The following ACCSL variants were observed in gnomAD, a reference collection of about 807,000 sequenced individuals.
The protein encoded by ACCSL is 1-aminocyclopropane-1-carboxylate synthase homolog (inactive) like.
ACCSL carries 55 observed loss-of-function variants against 61.7 expected under a neutral mutation model. That is an observed-to-expected ratio of 0.89 (90% CI 0.72 to 1.12). The LOEUF (loss-of-function observed/expected upper bound fraction) is 1.12. Among genes scored for constraint, ACCSL ranks in the 50% most tolerant of loss-of-function variants. ACCSL has a pLI of 0.00. For missense variants in ACCSL, 632 were observed against 698.0 expected (o/e 0.91, Z 1.07); for synonymous variants, 258 against 264.3 (o/e 0.98, Z 0.23).
At chr11:44,001,539 C>T in the ACCSL span, among the ~76,000 whole-genome samples, 1 of 152,004 alleles carries the variant, frequency 6.6e-6, no homozygotes, top group South Asian at 2.1e-4. Flanking sequence ...CAGGTGCCTC[C>T]TCTGCAGCTG....
chr11:44,052,757 G>A lies in ACCSL; in HGVS notation c.868G>A (p.Glu290Lys). The A allele has an allele frequency of 6.2e-7, 1 of 1,614,036 alleles. No individual in the cohort carries two copies. Among genetic ancestry groups the A allele is most frequent in the Non-Finnish European group, 8.5e-7 (1 of 1,179,940 alleles). Reference protein sequence around the residue: ...VELIPVHLESEVTVTNTHPFQ... With the variant: ...VELIPVHLESKVTVTNTHPFQ... ...GTTGATTCCTGTCCACCTGGAGAGTGAGGTCTGAATGGGGCCCCTTCCCTG... is the reference window on the plus strand; with the variant it reads ...GTTGATTCCTGTCCACCTGGAGAGTAAGGTCTGAATGGGGCCCCTTCCCTG... The change falls in exon 6 of 14, where the codon GAG becomes AAG. Residue 290 changes from glutamate to lysine, a missense_variant and splice_region_variant. Coordinates refer to ENST00000378832, the MANE Select transcript of ACCSL (RefSeq NM_001031854.2).
At chr11:44,037,812 T>C in the ACCSL span, among the ~76,000 whole-genome samples, 8 of 152,200 alleles carry the variant, frequency 5.3e-5, no homozygotes, top group African/African-American at 1.9e-4. Flanking sequence ...GTGAATAGTG[T>C]ACAGACCAGA....
chr11:43,963,798 T>G, the ACCSL span, among the ~76,000 whole-genome samples: 4 of 152,258 alleles, frequency 2.6e-5, no homozygotes, highest in African/African-American at 9.6e-5. Flanking sequence ...ATGTGACAAC[T>G]AGGTTATCTG....
At chr11:44,050,937 G>A (rs961476552) in intron 3 of ACCSL, among the ~76,000 whole-genome samples, 1 of 151,420 alleles carries the variant, frequency 6.6e-6, no homozygotes, top group Non-Finnish European at 1.5e-5. Context: ...TGCCCCCTGG[G>A]TTCAGGCCAT....
the ACCSL span, among the ~76,000 whole-genome samples, chr11:44,021,501 G>A: frequency 4.6e-5 from 7 of 152,050 alleles, no homozygotes; most frequent in African/African-American, 1.7e-4. Flanking sequence ...TGAGTTCCTT[G>A]TAGCTTCTGT....
At chr11:43,943,056 C>T in the ACCSL span, 9 of 1,499,936 alleles carry the variant, frequency 6.0e-6, no homozygotes, top group Admixed American at 1.6e-4. This position sits in a 1 kb window ranked among gnomAD's most constrained non-coding sequence, Gnocchi z 4.8. Context: ...CCGCGCCAGT[C>T]TCGCTTCAAG....
At chr11:43,938,256 A>T in the ACCSL span, among the ~76,000 whole-genome samples, 16 of 152,138 alleles carry the variant, frequency 1.1e-4, no homozygotes, top group African/African-American at 3.9e-4. Context: ...TTGCCCTTCA[A>T]CATTGCTTGC....
At chr11:43,933,128 T>G in the ACCSL span, 1 of 456,164 alleles carries the variant, frequency 2.2e-6, no homozygotes, top group Non-Finnish European at 4.4e-6. Flanking sequence ...AGACTTATAC[T>G]TTAACCTTGG....
chr11:43,952,120 G>A, the ACCSL span, among the ~76,000 whole-genome samples: 4 of 150,472 alleles, frequency 2.7e-5, no homozygotes, highest in Admixed American at 6.6e-5. Flanking sequence ...GGTTTCTTAC[G>A]TGGGTAAATT....
At chr11:43,965,333 A>T in the ACCSL span, among the ~76,000 whole-genome samples, 20 of 152,372 alleles carry the variant, frequency 1.3e-4, no homozygotes, top group South Asian at 3.7e-3. Context: ...GAAATTAAGC[A>T]AACAATTCCA....
the ACCSL span, among the ~76,000 whole-genome samples, chr11:43,993,076 C>CAG: frequency 0.28 from 42,901 of 152,050 alleles, 6,618 homozygotes; most frequent in South Asian, 0.36. Context: ...AGCGGAATCA[C>CAG]AGTCTTCCAG....
At chr11:44,052,787 G>A in intron 6 of ACCSL, 28 bp downstream of exon 6, 1 of 1,593,028 alleles carries the variant, frequency 6.3e-7, no homozygotes, top group Non-Finnish European at 8.6e-7. Flanking sequence ...TCCCTGCTCA[G>A]TATGCCTAGA....
At chr11:43,960,889 G>T in the ACCSL span, among the ~76,000 whole-genome samples, 9,945 of 152,218 alleles carry the variant, frequency 0.065, 347 homozygotes, top group South Asian at 0.1. Context: ...CACGATCTTG[G>T]CTCACTGCAA....
the ACCSL span, among the ~76,000 whole-genome samples, chr11:43,951,205 T>C: frequency 6.6e-6 from 1 of 152,164 alleles, no homozygotes; most frequent in Admixed American, 6.5e-5. Context: ...TAGAAAGTCA[T>C]AGAGAGAACC....
the ACCSL span, chr11:43,942,433 C>A: frequency 4.9e-6 from 1 of 205,484 alleles, no homozygotes; most frequent in South Asian, 4.9e-5. Context: ...GGAACCCCCG[C>A]GGGCGGGGCC....
At chr11:43,922,372 G>A in the ACCSL span, 2 of 152,312 alleles carry the variant, frequency 1.3e-5, no homozygotes, top group East Asian at 1.9e-4. Context: ...GAATGTAGGC[G>A]AAATGGTCTG....
chr11:43,941,970 A>T, the ACCSL span, among the ~76,000 whole-genome samples: 1 of 152,076 alleles, frequency 6.6e-6, no homozygotes, highest in East Asian at 1.9e-4. Flanking sequence ...GGAGACAAAC[A>T]TAAAGAAGAC....
the ACCSL span, among the ~76,000 whole-genome samples, chr11:44,003,026 G>C: frequency 6.6e-6 from 1 of 152,180 alleles, no homozygotes; most frequent in African/African-American, 2.4e-5. Flanking sequence ...CTTAAGCGTG[G>C]TGAGGGGACA....
the ACCSL span, among the ~76,000 whole-genome samples, chr11:43,998,872 A>T: frequency 6.6e-6 from 1 of 151,160 alleles, no homozygotes; most frequent in Non-Finnish European, 1.5e-5. Context: ...TGATCCTCCC[A>T]CCTCAGCCTC....
Sources: gnomAD v4.1 joint callset for allele counts (sites outside exome capture counted in the v4.1 genomes callset) on GRCh38, gnomAD v4.1.1 for gene constraint, Gnocchi (gnomAD v3.1) non-coding constraint, MANE v1.5 for transcripts, NCBI Gene and HGNC (gene_info 2026-07-23, HGNC 2026-07-21) for gene names.